Variants in GRIK2 observed in about 807,000 individuals in gnomAD.
The protein encoded by GRIK2 is glutamate receptor ionotropic, kainate 2.
GRIK2 carries 32 observed loss-of-function variants against 100.3 expected under a neutral mutation model. The observed-to-expected ratio is 0.32, with a 90% CI of 0.24 to 0.43. The LOEUF (loss-of-function observed/expected upper bound fraction) is 0.43. Among genes scored for constraint, GRIK2 ranks in the 20% least tolerant of loss-of-function variants. The probability of loss-of-function intolerance (pLI) is 1.00; values close to 1 mark genes in which losing one functional copy is unlikely to be tolerated. For missense variants in GRIK2, 843 were observed against 1,114.9 expected, an observed-to-expected ratio of 0.76 and a Z score of 3.47; for synonymous variants, 417 against 389.4, an observed-to-expected ratio of 1.07 and a Z score of -0.83.
Position 101,700,285 on chromosome 6 carries a change from C to T in GRIK2, c.951+13932C>T, listed in dbSNP as rs567183607. Among the ~76,000 whole-genome samples, 20 of 151,900 alleles carry T rather than the reference C, an allele frequency of 1.3e-4. No homozygotes were observed. The South Asian group carries it at 3.7e-3, about 28-fold the overall frequency. ...TTAGCATCACTAAGTACAGGACACC[C>T]CTGCTATAAACGTTATAAAAATTTG... On this transcript the variant is annotated intron_variant, in intron 7 of 16. Transcript: ENST00000369134.
chr6:102,061,894 T>G (rs1343668735), intron 16 of GRIK2, among the ~76,000 whole-genome samples: 2 of 150,440 alleles, frequency 1.3e-5, no homozygotes, highest in East Asian at 3.9e-4. Flanking sequence ...GCTTAAGCAT[T>G]AGTTATTTGG....
chr6:101,699,488 C>G (rs1401725923), intron 7 of GRIK2, among the ~76,000 whole-genome samples: 1 of 152,098 alleles, frequency 6.6e-6, no homozygotes, highest in Non-Finnish European at 1.5e-5. Context: ...GACTATCAGG[C>G]CTTGTCTACA....
chr6:102,002,385 A>G (rs1794991162), intron 14 of GRIK2, among the ~76,000 whole-genome samples: 1 of 141,344 alleles, frequency 7.1e-6, no homozygotes, highest in Non-Finnish European at 1.6e-5. Flanking sequence ...TATGTTATAT[A>G]TATGTATATA....
chr6:101,549,175 C>T (rs2749074), intron 2 of GRIK2, among the ~76,000 whole-genome samples: 70,539 of 151,048 alleles, frequency 0.47, 16,652 homozygotes, highest in Middle Eastern at 0.52. Context: ...GAAACACATA[C>T]AGCATACATT....
intron 2 of GRIK2, among the ~76,000 whole-genome samples, chr6:101,565,058 A>G (rs1777188186): frequency 6.6e-6 from 1 of 152,154 alleles, no homozygotes; most frequent in Non-Finnish European, 1.5e-5. Context: ...GAATATATTT[A>G]ACATAATGTA....
At chr6:101,594,373 G>A (rs1036923719) in intron 2 of GRIK2, among the ~76,000 whole-genome samples, 1 of 151,664 alleles carries the variant, frequency 6.6e-6, no homozygotes, top group African/African-American at 2.4e-5. Flanking sequence ...GAATAAAAAA[G>A]ACATTTTCAT....
chr6:101,574,560 A>G (rs560090884), intron 2 of GRIK2, among the ~76,000 whole-genome samples: 106 of 151,516 alleles, frequency 7.0e-4, no homozygotes, highest in Middle Eastern at 3.4e-3. Context: ...AAAATTGACG[A>G]ATTGTAATGC....
At chr6:101,802,191 C>T (rs1780713705) in intron 8 of GRIK2, 140 bp from the exon 9 acceptor site, 1 of 415,110 alleles carries the variant, frequency 2.4e-6, no homozygotes, top group South Asian at 8.3e-5. Flanking sequence ...TTTCAAATTT[C>T]AGAAGAAAAT....
chr6:101,865,190 A>G (rs1217438402), intron 11 of GRIK2, among the ~76,000 whole-genome samples: 1 of 152,236 alleles, frequency 6.6e-6, no homozygotes, highest in Non-Finnish European at 1.5e-5. Flanking sequence ...GTAAAATGGG[A>G]AGTCTGTTGG....
intron 7 of GRIK2, among the ~76,000 whole-genome samples, chr6:101,687,098 A>T (rs555157945): frequency 2.5e-4 from 38 of 152,194 alleles, no homozygotes; most frequent in Middle Eastern, 3.4e-3. Context: ...TATAAAAATT[A>T]TGACTTCAGA....
intron 10 of GRIK2, among the ~76,000 whole-genome samples, chr6:101,834,121 T>G (rs1211512354): frequency 6.6e-6 from 1 of 152,106 alleles, no homozygotes; most frequent in Non-Finnish European, 1.5e-5. Flanking sequence ...TATAACCAGG[T>G]ATTCAAATTT....
intron 15 of GRIK2, among the ~76,000 whole-genome samples, chr6:102,053,419 T>A (rs947716047): frequency 6.6e-6 from 1 of 152,138 alleles, no homozygotes; most frequent in African/African-American, 2.4e-5. Context: ...TTATTACATA[T>A]CACAGAGACT....
chr6:101,709,325 C>A (rs1773548810), intron 7 of GRIK2, among the ~76,000 whole-genome samples: 1 of 151,706 alleles, frequency 6.6e-6, no homozygotes, highest in African/African-American at 2.4e-5. Context: ...GTGTTTTAAG[C>A]CATCCTAGTT....
At chr6:101,641,925 G>T (rs929145878) in intron 4 of GRIK2, among the ~76,000 whole-genome samples, 1 of 151,818 alleles carries the variant, frequency 6.6e-6, no homozygotes, top group African/African-American at 2.4e-5. Context: ...GCAGGACAAA[G>T]TTTACATGCA....
At chr6:102,007,356 G>C (rs1176845369) in intron 14 of GRIK2, among the ~76,000 whole-genome samples, 1 of 152,080 alleles carries the variant, frequency 6.6e-6, no homozygotes, top group Non-Finnish European at 1.5e-5. Flanking sequence ...CTGAAATAAA[G>C]TAAAATTTGA....
chr6:101,807,722 A>C (rs1175814247), intron 9 of GRIK2, among the ~76,000 whole-genome samples: 1 of 151,740 alleles, frequency 6.6e-6, no homozygotes, highest in African/African-American at 2.4e-5. Context: ...GGGTGGCAAA[A>C]AATTGGGAAA....
At chr6:101,637,187 T>TA (rs1485606810) in intron 4 of GRIK2, among the ~76,000 whole-genome samples, 7 of 152,264 alleles carry the variant, frequency 4.6e-5, no homozygotes, top group African/African-American at 1.7e-4. Context: ...TCGTTCTCCC[T>TA]AAAACCTTTC....
At chr6:101,444,489 C>T (rs941129487) in intron 2 of GRIK2, among the ~76,000 whole-genome samples, 3 of 151,882 alleles carry the variant, frequency 2.0e-5, no homozygotes, top group South Asian at 2.1e-4. Context: ...AGAATGAAAA[C>T]ATGGTTTTAT....
intron 2 of GRIK2, among the ~76,000 whole-genome samples, chr6:101,459,937 A>G (rs1771210635): frequency 6.6e-6 from 1 of 152,058 alleles, no homozygotes; most frequent in African/African-American, 2.4e-5. Flanking sequence ...TTGTATTTGC[A>G]GTAGAGACAG....
Sources: gnomAD v4.1 joint callset for allele counts (sites outside exome capture counted in the v4.1 genomes callset) on GRCh38, gnomAD v4.1.1 for gene constraint, MANE v1.5 for transcripts, NCBI Gene and HGNC (gene_info 2026-07-23, HGNC 2026-07-21) for gene names.